Variants in SYNDIG1 observed in about 807,000 individuals in gnomAD.
The protein encoded by SYNDIG1 is synapse differentiation inducing 1.
Under a neutral mutation model 19.4 loss-of-function variants are expected in SYNDIG1, and 9 were observed. The observed-to-expected ratio is 0.46, with a 90% CI of 0.28 to 0.81. The LOEUF is 0.81. Ranked by LOEUF, SYNDIG1 falls within the 30% of genes least tolerant of loss-of-function variation. SYNDIG1 has a pLI of 0.12. For missense variants in SYNDIG1, 311 were observed against 343.3 expected, an observed-to-expected ratio of 0.91 and a Z score of 0.74; for synonymous variants, 141 against 145.9, an observed-to-expected ratio of 0.97 and a Z score of 0.24.
Position 24,543,189 on chromosome 20 carries a change from T to G in SYNDIG1, c.92T>G (p.Leu31Trp), listed in dbSNP as rs531513473. ...KRNGLINTRN[L>W]MAESRDGLVS... is the part of the protein sequence containing the mutation. ...AATGGTTTAATTAACACCAGAAACT[T>G]GATGGCCGAGAGCAGAGATGGTCTG... Residue 31 changes from leucine to tryptophan, a missense_variant, in exon 2 of 4, where the codon TTG (leucine) becomes TGG (tryptophan). Physicochemically the swap from Leu to Trp is moderately conservative, Grantham distance 61 (BLOSUM62 -2). Coordinates refer to ENST00000376862, the MANE Select transcript of SYNDIG1 (RefSeq NM_024893.3). 6.2e-7 allele frequency: 1 copy of G among 1,614,028 alleles called. No homozygotes were observed. The highest frequency in any genetic ancestry group is 8.5e-7 in the Non-Finnish European group (1 of 1,180,024).
intron 1 of SYNDIG1, among the ~76,000 whole-genome samples, chr20:24,511,727 T>A (rs2056746811): frequency 6.6e-6 from 1 of 152,158 alleles, no homozygotes; most frequent in Non-Finnish European, 1.5e-5. Context: ...ACCTTAGCTG[T>A]GGCTTAAAAA....
intron 3 of SYNDIG1, among the ~76,000 whole-genome samples, chr20:24,662,707 A>G (rs967603474): frequency 1.3e-5 from 2 of 152,264 alleles, no homozygotes; most frequent in Non-Finnish European, 2.9e-5. Context: ...GGGCTTCGCC[A>G]GTCACCTGCA....
chr20:24,534,358 C>T (rs569924352), intron 1 of SYNDIG1, among the ~76,000 whole-genome samples: 3 of 152,318 alleles, frequency 2.0e-5, no homozygotes, highest in African/African-American at 7.2e-5. Context: ...GCCTGTAGAT[C>T]CCACCTGGAC....
intron 1 of SYNDIG1, among the ~76,000 whole-genome samples, chr20:24,501,614 C>T (rs1395904519): frequency 6.6e-6 from 1 of 152,220 alleles, no homozygotes; most frequent in Admixed American, 6.5e-5. Flanking sequence ...CCATCAGTGA[C>T]ATACTTTGCC....
In SYNDIG1 at chr20:24,543,515, G is replaced by T; in HGVS notation, c.418G>T (p.Asp140Tyr). 2.5e-6 allele frequency: 4 copies of T among 1,609,936 alleles called. No homozygotes were observed. Among genetic ancestry groups the T allele is most frequent in the Non-Finnish European group, 3.4e-6 (4 of 1,180,004 alleles). Residue 140 changes from aspartate to tyrosine, a missense_variant, in exon 2 of 4, where the codon GAC becomes TAC. Transcript: ENST00000376862. The stretch of plus-strand genomic sequence containing the variant: ...GAAGTTCATTGACCTCTCAGCTGAT[G>T]ACATAAAAATCCACACCCTGTCCTA... Reference protein sequence around the residue: ...DGKFIDLSADDIKIHTLSYDV... With the variant: ...DGKFIDLSADYIKIHTLSYDV...
intron 2 of SYNDIG1, among the ~76,000 whole-genome samples, chr20:24,570,209 G>T (rs2058118319): frequency 6.6e-6 from 1 of 152,116 alleles, no homozygotes; most frequent in Non-Finnish European, 1.5e-5. Context: ...GCTTTTAGAA[G>T]AAAACAGAAA....
At chr20:24,475,547 C>G (rs547390198) in intron 1 of SYNDIG1, among the ~76,000 whole-genome samples, 2 of 152,286 alleles carry the variant, frequency 1.3e-5, no homozygotes, top group South Asian at 4.1e-4. Context: ...TGCGTGGTTT[C>G]TGACATGCTG....
chr20:24,492,055 T>C (rs1464565328), intron 1 of SYNDIG1, among the ~76,000 whole-genome samples: 1 of 152,178 alleles, frequency 6.6e-6, no homozygotes, highest in Non-Finnish European at 1.5e-5. Flanking sequence ...AGGACCCCAC[T>C]AACAGGTGAC....
chr20:24,562,187 C>T (rs2057959535), intron 2 of SYNDIG1, among the ~76,000 whole-genome samples: 1 of 152,070 alleles, frequency 6.6e-6, no homozygotes, highest in Non-Finnish European at 1.5e-5. Flanking sequence ...ATCAGTTTCA[C>T]CTCCTTATAG....
chr20:24,585,749 G>A (rs1171304585), intron 3 of SYNDIG1, among the ~76,000 whole-genome samples: 3 of 152,236 alleles, frequency 2.0e-5, no homozygotes, highest in Non-Finnish European at 4.4e-5. Flanking sequence ...GTGAGCTGAT[G>A]GCATTACCAT....
chr20:24,655,775 C>CAA (rs11087474), intron 3 of SYNDIG1, among the ~76,000 whole-genome samples: 6 of 132,552 alleles, frequency 4.5e-5, no homozygotes, highest in South Asian at 4.8e-4. Flanking sequence ...GTATACTCAT[C>CAA]AAAAAAAAAA....
intron 1 of SYNDIG1, among the ~76,000 whole-genome samples, chr20:24,539,555 A>G (rs2057426898): frequency 6.6e-6 from 1 of 152,214 alleles, no homozygotes; most frequent in Admixed American, 6.5e-5. Context: ...TTCTAAGTCC[A>G]GCCTGAGCTC....
chr20:24,593,393 A>G (rs1450236347), intron 3 of SYNDIG1, among the ~76,000 whole-genome samples: 1 of 152,156 alleles, frequency 6.6e-6, no homozygotes, highest in Non-Finnish European at 1.5e-5. Context: ...GTTTGTAGCT[A>G]TGTAGTATTC....
chr20:24,507,100 AAC>A (rs1213475868), intron 1 of SYNDIG1, among the ~76,000 whole-genome samples: 2 of 152,182 alleles, frequency 1.3e-5, no homozygotes, highest in African/African-American at 4.8e-5. Context: ...GAGGCTGGCC[AAC>A]ACACACTTCG....
chr20:24,635,925 G>A (rs2059310168), intron 3 of SYNDIG1, among the ~76,000 whole-genome samples: 1 of 152,152 alleles, frequency 6.6e-6, no homozygotes, highest in South Asian at 2.1e-4. Context: ...CACACTTTCT[G>A]TATCTCAATG....
In SYNDIG1 at chr20:24,543,373, CCTCTATTCAGAGGGCGTGCTG is replaced by C. The variant is rs760279908; in HGVS notation, c.278_298del (p.Leu93_Leu99del). On this transcript the variant is annotated inframe_deletion, in exon 2 of 4. Coordinates refer to ENST00000376862, the MANE Select transcript of SYNDIG1 (RefSeq NM_024893.3). ...AGTCCCGCTACCGGCCCAACATCAT[CCTCTATTCAGAGGGCGTGCTG>C]CGCTCCTGGGGGGACGGTGTGGCCG... The C allele has an allele frequency of 4.3e-6, 7 of 1,613,554 alleles. No individual in the cohort carries two copies. In the African/African-American group the frequency reaches 6.7e-5, roughly 15 times the overall value.
At chr20:24,573,511 TA>T (rs2146954898) in intron 2 of SYNDIG1, among the ~76,000 whole-genome samples, 1 of 152,218 alleles carries the variant, frequency 6.6e-6, no homozygotes, top group Non-Finnish European at 1.5e-5. Context: ...ACTGTGAAAA[TA>T]AAAACATACG....
Position 24,665,400 on chromosome 20 carries a change from C to A in SYNDIG1, c.673C>A (p.Arg225=). 2.5e-6 allele frequency: 4 copies of A among 1,612,158 alleles called. No individual in the cohort carries two copies. Among genetic ancestry groups the A allele is most frequent in the Non-Finnish European group, 2.5e-6 (3 of 1,179,336 alleles). ...DLHQASTSSR[R]ALFLAVLSIT... ...GCACCAGGCCAGCACCAGCTCCCGG[C>A]GGGCCCTATTCCTGGCAGTGCTGTC... is the stretch of plus-strand genomic sequence containing the variant. The change falls in exon 4 of 4, where the codon CGG becomes AGG. Residue 225 remains arginine, a synonymous_variant. Transcript: ENST00000376862.
intron 3 of SYNDIG1, among the ~76,000 whole-genome samples, chr20:24,610,266 G>T (rs1757624218): frequency 6.6e-6 from 1 of 152,108 alleles, no homozygotes; most frequent in African/African-American, 2.4e-5. Context: ...GAATAATTTG[G>T]GCCTGGTCTT....
Sources: allele counts gnomAD v4.1 joint callset (sites outside exome capture counted in the v4.1 genomes callset), GRCh38; gene constraint gnomAD v4.1.1; transcripts MANE v1.5; gene names NCBI Gene and HGNC (gene_info 2026-07-23, HGNC 2026-07-21).